Variants in KLHL29 observed in about 807,000 individuals in gnomAD.
The protein encoded by KLHL29 is kelch-like protein 29.
A neutral mutation model predicts 80.4 loss-of-function variants in KLHL29; 21 were observed. The observed-to-expected ratio is 0.26, with a 90% CI of 0.19 to 0.38. KLHL29 has a LOEUF of 0.38. Ranked by LOEUF, KLHL29 falls within the 10% of genes least tolerant of loss-of-function variation. The pLI is 1.00. For missense variants in KLHL29, 867 were observed against 1,223.9 expected, an observed-to-expected ratio of 0.71 and a Z score of 4.35; for synonymous variants, 511 against 526.8, an observed-to-expected ratio of 0.97 and a Z score of 0.41.
intron 11 of KLHL29, among the ~76,000 whole-genome samples, chr2:23,702,590 C>T (rs1417315275): frequency 6.6e-6 from 1 of 152,206 alleles, no homozygotes; most frequent in African/African-American, 2.4e-5. Flanking sequence ...AGCTTATTCA[C>T]TCTTCAAGGC....
chr2:23,477,083 A>T (rs1049572364), intron 2 of KLHL29, among the ~76,000 whole-genome samples: 2 of 152,252 alleles, frequency 1.3e-5, no homozygotes, highest in East Asian at 3.8e-4. Flanking sequence ...TCCTTGTGGG[A>T]CTTGAGCCTT....
chr2:23,471,050 G>A (rs747927380), intron 1 of KLHL29, among the ~76,000 whole-genome samples: 1 of 152,192 alleles, frequency 6.6e-6, no homozygotes, highest in Non-Finnish European at 1.5e-5. Context: ...CAGAGGTGCC[G>A]CAGAGTCCCA....
At chr2:23,592,017 C>G (rs1412512698) in intron 3 of KLHL29, among the ~76,000 whole-genome samples, 1 of 152,248 alleles carries the variant, frequency 6.6e-6, no homozygotes, top group Non-Finnish European at 1.5e-5. Flanking sequence ...TCTGCCGTGA[C>G]TTGGAGCACG....
intron 2 of KLHL29, among the ~76,000 whole-genome samples, chr2:23,508,442 T>C (rs1488906543): frequency 1.3e-5 from 2 of 152,218 alleles, no homozygotes; most frequent in African/African-American, 4.8e-5. Flanking sequence ...CTCAGGGCCA[T>C]GAGGAGGGGT....
At chr2:23,541,550 G>C in intron 2 of KLHL29, among the ~76,000 whole-genome samples, 1 of 152,222 alleles carries the variant, frequency 6.6e-6, no homozygotes, top group East Asian at 1.9e-4. Context: ...GCTGGCTGGT[G>C]GGCTGAAAGT....
At chr2:23,451,609 T>A (rs1234325583) in intron 1 of KLHL29, among the ~76,000 whole-genome samples, 12 of 152,202 alleles carry the variant, frequency 7.9e-5, no homozygotes, top group Admixed American at 7.9e-4. Context: ...TAGAAAGTTT[T>A]TCTCCCCAGC....
intron 7 of KLHL29, 101 bp from the exon 8 acceptor site, chr2:23,693,168 G>A (rs34964606): frequency 0.18 from 246,117 of 1,383,300 alleles, 24,250 homozygotes; most frequent in Non-Finnish European, 0.19. Context: ...AGGGTCCCCC[G>A]GGATGTGGGT....
rs1291242719 is a variant in KLHL29 at position 23,706,833 on chromosome 2, G to A, written c.*169G>A. ...ACATTGAATGTAGAAAATCATCCTCGCCTTTGGATGAAACGGAGGCACCGC... is the reference window on the plus strand; with the variant it reads ...ACATTGAATGTAGAAAATCATCCTCACCTTTGGATGAAACGGAGGCACCGC... On this transcript the variant is annotated 3_prime_UTR_variant, in exon 14 of 14. Coordinates refer to ENST00000486442, the MANE Select transcript of KLHL29 (RefSeq NM_052920.2). The A allele has an allele frequency of 2.0e-5, 11 of 544,440 alleles. No homozygotes were observed. Among genetic ancestry groups the A allele is most frequent in the Admixed American group, 8.0e-5 (2 of 25,144 alleles). 33.7% of individuals were successfully genotyped at this position (544,440 alleles called of 1,614,324 possible). A position where few individuals can be genotyped will look rare whatever the true frequency, so the allele number is the denominator to read the frequency against.
chr2:23,532,739 C>T (rs544327214), intron 2 of KLHL29: 2 of 438,910 alleles, frequency 4.6e-6, no homozygotes, highest in African/African-American at 2.0e-5. Flanking sequence ...CCCAGCCTCA[C>T]CCACTACACC....
intron 2 of KLHL29, among the ~76,000 whole-genome samples, chr2:23,543,834 C>T (rs985935967): frequency 2.6e-5 from 4 of 152,268 alleles, no homozygotes; most frequent in African/African-American, 7.2e-5. Context: ...CTCCCTCCAC[C>T]ACTCCAGATG....
intron 2 of KLHL29, among the ~76,000 whole-genome samples, chr2:23,557,381 T>C (rs1330039014): frequency 2.0e-5 from 3 of 152,178 alleles, no homozygotes; most frequent in African/African-American, 7.2e-5. Context: ...AATTGAGGAA[T>C]GAAGTCTCAC....
chr2:23,472,632 TCAAAACAAAA>T (rs199591384), intron 1 of KLHL29, among the ~76,000 whole-genome samples: 4 of 152,056 alleles, frequency 2.6e-5, no homozygotes, highest in South Asian at 2.1e-4. Flanking sequence ...AGACTCCATC[TCAAAACAAAA>T]CAAAACAAAA....
intron 1 of KLHL29, 59 bp downstream of exon 1, chr2:23,385,839 C>T (rs1666161043): frequency 6.6e-6 from 1 of 151,586 alleles, no homozygotes; most frequent in Non-Finnish European, 1.5e-5. Context: ...GACCCAGGTC[C>T]TGGCCGCCGC....
At chr2:23,672,728 C>A (rs147281582) in intron 5 of KLHL29, 5,352 of 152,782 alleles carry the variant, frequency 0.035, 108 homozygotes, top group South Asian at 0.09. Flanking sequence ...GCTCTCACCT[C>A]ACCCCAGCTC....
rs1048229389 is a variant in KLHL29 at position 23,385,577 on chromosome 2, CGGAGGAGGA to C, written c.-350_-342del. On this transcript the variant is annotated 5_prime_UTR_variant, in exon 1 of 14. Transcript: ENST00000486442. ...CTGGGCTGCCGGGAGGCGGCGGCGG[CGGAGGAGGA>C]GGAGGAACGAGGGGAGAAGGCGGAG... 1.8e-5 allele frequency: 3 copies of C among 170,654 alleles called. No homozygotes were observed. Among genetic ancestry groups the C allele is most frequent in the Non-Finnish European group, 4.2e-5 (3 of 71,344 alleles). The allele number at this position is 170,654 out of a possible 1,614,324, so 10.6% of individuals were successfully genotyped here.
At chr2:23,561,775 A>G (rs1021264685) in intron 2 of KLHL29, among the ~76,000 whole-genome samples, 4 of 151,826 alleles carry the variant, frequency 2.6e-5, no homozygotes, top group Admixed American at 6.6e-5. Flanking sequence ...TTGGAGGAAA[A>G]CACGTCCTGA....
intron 2 of KLHL29, among the ~76,000 whole-genome samples, chr2:23,536,603 C>T (rs1666670454): frequency 6.6e-6 from 1 of 152,192 alleles, no homozygotes; most frequent in Non-Finnish European, 1.5e-5. Flanking sequence ...GAGCTCGGCA[C>T]AGCAGCCTGT....
chr2:23,467,765 C>A (rs187667632), intron 1 of KLHL29, among the ~76,000 whole-genome samples: 2 of 152,100 alleles, frequency 1.3e-5, no homozygotes, highest in Non-Finnish European at 2.9e-5. Context: ...GGAACAGGGG[C>A]TCTGTGAAGG....
At chr2:23,652,262 T>C (rs986087439) in intron 5 of KLHL29, among the ~76,000 whole-genome samples, 2 of 152,366 alleles carry the variant, frequency 1.3e-5, no homozygotes, top group Admixed American at 1.3e-4. Context: ...GCATCATCCA[T>C]ACTTGGGGTT....
Sources: allele counts gnomAD v4.1 joint callset (sites outside exome capture counted in the v4.1 genomes callset), GRCh38; gene constraint gnomAD v4.1.1; transcripts MANE v1.5; gene names NCBI Gene and HGNC (gene_info 2026-07-23, HGNC 2026-07-21).